Variants in ETFA observed in about 807,000 individuals in gnomAD.
The protein encoded by ETFA is electron transfer flavoprotein subunit alpha.
Under a neutral mutation model 46.2 loss-of-function variants are expected in ETFA, and 22 were observed. The observed-to-expected ratio is 0.48, with a 90% CI of 0.34 to 0.68. The LOEUF is 0.68. Among genes scored for constraint, ETFA ranks in the 30% least tolerant of loss-of-function variants. ETFA has a pLI of 0.01. For synonymous variants in ETFA, 131 were observed against 139.9 expected (o/e 0.94, Z 0.45); for missense variants, 345 against 401.1 (o/e 0.86, Z 1.19).
chr15:76,259,141 C>T, intron 9 of ETFA: 3 of 1,501,360 alleles, frequency 2.0e-6, no homozygotes, highest in Non-Finnish European at 9.3e-7. Flanking sequence ...GTGCCACCCA[C>T]TGTCCCCATG....
At position 76,259,273 on chromosome 15, in the gene ETFA, G is replaced by C. The variant is rs570336311; in HGVS notation, c.816+15139C>G. On this transcript the variant is annotated intron_variant, in intron 9 of 11. Coordinates refer to ENST00000557943, the MANE Select transcript of ETFA (RefSeq NM_000126.4). Reference sequence around the variant, plus strand: ...TATAAGGGGTCCTGGCTGGCGGATAGCACAGACAGCTGGCCCAGAATGTTC... The same window carrying C: ...TATAAGGGGTCCTGGCTGGCGGATACCACAGACAGCTGGCCCAGAATGTTC... 7.5e-5 allele frequency: 118 copies of C among 1,570,138 alleles called. 1 individual carries two copies. In the South Asian group the frequency reaches 1.3e-3, roughly 17 times the overall value.
chr15:76,268,022 C>T (rs1486325943), intron 9 of ETFA, among the ~76,000 whole-genome samples: 6 of 151,988 alleles, frequency 3.9e-5, no homozygotes, highest in Admixed American at 2.6e-4. Context: ...TTTTGCAATA[C>T]TATTGCACAA....
chr15:76,235,265 C>T (rs1281752057), intron 9 of ETFA, among the ~76,000 whole-genome samples: 1 of 152,176 alleles, frequency 6.6e-6, no homozygotes, highest in Non-Finnish European at 1.5e-5. Flanking sequence ...TCTCAGCCCA[C>T]TAGGTGGCCA....
At chr15:76,256,873 GTACAGTAACATACTA>G (rs1359200328) in intron 9 of ETFA, among the ~76,000 whole-genome samples, 1 of 152,090 alleles carries the variant, frequency 6.6e-6, no homozygotes, top group Non-Finnish European at 1.5e-5. Flanking sequence ...ACAGTATTGA[GTACAGTAACATACTA>G]TACAGGTTTG....
intron 9 of ETFA, among the ~76,000 whole-genome samples, chr15:76,266,180 C>T (rs974422582): frequency 6.6e-6 from 1 of 152,104 alleles, no homozygotes; most frequent in African/African-American, 2.4e-5. Context: ...CTGCCCTCCC[C>T]AACAATGACT....
intron 9 of ETFA, among the ~76,000 whole-genome samples, chr15:76,252,589 A>G (rs925771881): frequency 2.6e-5 from 4 of 152,206 alleles, no homozygotes; most frequent in African/African-American, 9.7e-5. Context: ...ACCAAGAACC[A>G]TCCCTTACCA....
At chr15:76,239,312 T>C (rs2039160200) in intron 9 of ETFA, among the ~76,000 whole-genome samples, 1 of 152,218 alleles carries the variant, frequency 6.6e-6, no homozygotes. Context: ...ATGTGATGTT[T>C]TGATATAGGT....
At chr15:76,288,093 T>A (rs1344823846) in intron 4 of ETFA, 148 bp from the exon 5 acceptor site, 3 of 644,206 alleles carry the variant, frequency 4.7e-6, no homozygotes, top group Non-Finnish European at 8.5e-6. Flanking sequence ...ATACACAACT[T>A]CAAGCACAGC....
intron 9 of ETFA, among the ~76,000 whole-genome samples, chr15:76,240,061 A>T (rs558507309): frequency 6.6e-6 from 1 of 152,332 alleles, no homozygotes; most frequent in South Asian, 2.1e-4. Flanking sequence ...GTTGTTGTTG[A>T]TGATGTTTCT....
intron 9 of ETFA, among the ~76,000 whole-genome samples, chr15:76,243,343 AT>A (rs1319608032): frequency 1.3e-5 from 2 of 152,146 alleles, no homozygotes; most frequent in Admixed American, 6.5e-5. Flanking sequence ...AATAAAAAAA[AT>A]CACTAGAAAC....
At chr15:76,295,933 A>ATTTT in intron 1 of ETFA, among the ~76,000 whole-genome samples, 196 bp from the exon 2 acceptor site, 1 of 58,508 alleles carries the variant, frequency 1.7e-5, no homozygotes, top group Non-Finnish European at 4.0e-5. Context: ...TACCACTAAT[A>ATTTT]TTCTTTTTTT....
intron 4 of ETFA, among the ~76,000 whole-genome samples, chr15:76,291,250 C>G (rs2039758556): frequency 6.6e-6 from 1 of 151,896 alleles, no homozygotes; most frequent in Admixed American, 6.6e-5. Context: ...CGAGACCAGC[C>G]TGGTCAACAC....
chr15:76,269,573 T>C (rs2039508002), intron 9 of ETFA, among the ~76,000 whole-genome samples: 1 of 152,124 alleles, frequency 6.6e-6, no homozygotes, highest in Admixed American at 6.5e-5. Flanking sequence ...CATACTAGAG[T>C]TGGCCCTCTG....
intron 9 of ETFA, among the ~76,000 whole-genome samples, chr15:76,266,861 G>A (rs532938694): frequency 2.7e-4 from 41 of 151,440 alleles, no homozygotes; most frequent in African/African-American, 9.5e-4. Flanking sequence ...CTGAGATCAC[G>A]CCACTGCACT....
Position 76,286,432 on chromosome 15 carries a change from A to C in ETFA, c.501T>G (p.Ser167=). 2.5e-6 allele frequency: 4 copies of C among 1,613,838 alleles called. No individual in the cohort carries two copies. Among genetic ancestry groups the C allele is most frequent in the Non-Finnish European group, 3.4e-6 (4 of 1,179,718 alleles). ...CAGCATCAAAGGATGTTCCACGGAC[A>C]GAAAACACTTTCACTTTCTCATCAC... ...VKCDEKVKVF[S]VRGTSFDAAA... The change falls in exon 6 of 12, where the codon TCT becomes TCG. Residue 167 remains serine, a synonymous_variant. Transcript: ENST00000557943.
chr15:76,295,832 G>C, intron 1 of ETFA, 95 bp from the exon 2 acceptor site: 1 of 840,092 alleles, frequency 1.2e-6, no homozygotes, highest in Non-Finnish European at 1.8e-6. Context: ...ATGCTTTAAA[G>C]AAAACTATTC....
chr15:76,279,317 C>G (rs190521536), intron 8 of ETFA, among the ~76,000 whole-genome samples: 1 of 152,090 alleles, frequency 6.6e-6, no homozygotes, highest in East Asian at 1.9e-4. Flanking sequence ...GTTCTGTCAC[C>G]CAGGCTGGAG....
chr15:76,290,713 A>C (rs558149642), intron 4 of ETFA, among the ~76,000 whole-genome samples: 1 of 152,304 alleles, frequency 6.6e-6, no homozygotes, highest in East Asian at 1.9e-4. Flanking sequence ...GAAGTAAAAA[A>C]TATATAGCTG....
At position 76,285,686 on chromosome 15, in the gene ETFA, T is replaced by G. The variant is rs1201472225; in HGVS notation, c.615A>C (p.Thr205=). The change falls in exon 7 of 12, where the codon ACA becomes ACC. Residue 205 remains threonine, a synonymous_variant. Transcript: ENST00000557943. ...EISEWLDQKL[T]KSDRPELTGA... ...CTGTTAGCTCTGGTCGATCACTTTTTGTTAATTTCTGGTCAAGCCACTCTG... is the reference window on the plus strand; with the variant it reads ...CTGTTAGCTCTGGTCGATCACTTTTGGTTAATTTCTGGTCAAGCCACTCTG... 2 of 1,613,116 alleles carry G rather than the reference T, an allele frequency of 1.2e-6. No homozygotes were observed. Among genetic ancestry groups the G allele is most frequent in the Non-Finnish European group, 1.7e-6 (2 of 1,179,212 alleles).
Sources: allele counts gnomAD v4.1 joint callset (sites outside exome capture counted in the v4.1 genomes callset), GRCh38; gene constraint gnomAD v4.1.1; transcripts MANE v1.5; gene names NCBI Gene and HGNC (gene_info 2026-07-23, HGNC 2026-07-21).